The following INTS11 variants were observed in gnomAD, a reference collection of about 807,000 sequenced individuals.
INTS11 encodes CPSF3-like protein.
INTS11 carries 77 observed loss-of-function variants against 78.6 expected under a neutral mutation model. That is an observed-to-expected ratio of 0.98 (90% confidence interval 0.81 to 1.18). INTS11 has a LOEUF of 1.18. INTS11 is among the 50% of genes most tolerant of loss of function. The pLI is 0.00. For synonymous variants in INTS11, 441 were observed against 326.9 expected (o/e 1.35, Z -3.77); for missense variants, 875 against 825.9 (o/e 1.06, Z -0.73).
In INTS11 at chr1:1,315,455, G is replaced by T; in HGVS notation, c.529-17C>A. The T allele has an allele frequency of 6.2e-7, 1 of 1,613,080 alleles. No homozygotes were observed. Among genetic ancestry groups the T allele is most frequent in the Non-Finnish European group, 8.5e-7 (1 of 1,179,896 alleles). ...ATAATCACCCTGGTGAACGATCAAGGATGCCATGAGGAGGGTGCCTCCCAC... is the reference window on the plus strand; with the variant it reads ...ATAATCACCCTGGTGAACGATCAAGTATGCCATGAGGAGGGTGCCTCCCAC... On this transcript the variant is annotated splice_polypyrimidine_tract_variant and intron_variant, in intron 5 of 16. Transcript: ENST00000435064.
In INTS11 at chr1:1,314,090, G is replaced by A. The variant is rs868415554; in HGVS notation, c.768-169C>T. ...AAGCCCTGCAGCAGCCGGGCTCAGCGGAGAACCAGGAACCCCTACAAGAGC... is the reference window on the plus strand; with the variant it reads ...AAGCCCTGCAGCAGCCGGGCTCAGCAGAGAACCAGGAACCCCTACAAGAGC... On this transcript the variant is annotated intron_variant, in intron 8 of 16. Coordinates refer to ENST00000435064, the MANE Select transcript of INTS11 (RefSeq NM_017871.6). The surrounding 1 kb of genome is among the most constrained non-coding windows in gnomAD (Gnocchi z 4.2). 10 of 780,738 alleles carry A rather than the reference G, an allele frequency of 1.3e-5. No homozygotes were observed. The highest frequency in any genetic ancestry group is 5.2e-5 in the South Asian group (3 of 57,388). The allele number at this position is 780,738 out of a possible 1,614,324, so 48.4% of individuals were successfully genotyped here. A position where few individuals can be genotyped will look rare whatever the true frequency, so the allele number is the denominator to read the frequency against.
At chr1:1,323,416 C>T (rs1293313428) in intron 1 of INTS11, 12 of 1,122,154 alleles carry the variant, frequency 1.1e-5, no homozygotes, top group Admixed American at 2.7e-5. Context: ...ACGACTTTGA[C>T]TTTCTTTTGA....
intron 2 of INTS11, 37 bp downstream of exon 2, chr1:1,320,959 T>C (rs777581210): frequency 1.3e-6 from 2 of 1,574,366 alleles, no homozygotes; most frequent in Non-Finnish European, 1.7e-6. Flanking sequence ...GATGGCCGGC[T>C]CTCCCAGCCT....
chr1:1,317,450 A>T (rs1363719500), intron 4 of INTS11: 1 of 977,884 alleles, frequency 1.0e-6, no homozygotes, highest in Non-Finnish European at 1.2e-6. Context: ...ACCATATGAC[A>T]CATAACCAGA....
intron 15 of INTS11, 21 bp downstream of exon 15, chr1:1,312,205 G>GT: frequency 8.5e-7 from 1 of 1,180,160 alleles, no homozygotes; most frequent in East Asian, 2.6e-5. Context: ...GAGTGGGGGG[G>GT]GGGCGGGGCC....
rs1333197172 is a variant in INTS11, at chr1:1,312,079, TGGA to T, written c.1673_1675del (p.Leu558del). 1 of 1,572,878 alleles carries T rather than the reference TGGA, an allele frequency of 6.4e-7. No individual in the cohort carries two copies. The highest frequency in any genetic ancestry group is 8.6e-7 in the Non-Finnish European group (1 of 1,157,830). On this transcript the variant is annotated inframe_deletion, in exon 16 of 17. Coordinates refer to ENST00000435064, the MANE Select transcript of INTS11 (RefSeq NM_017871.6). Reference sequence around the variant, plus strand: ...TGGGTCCTCAGAAGGGGCGGCGGCCTGGAGGAGGACGGACTCCACAGTCACAGA... The same window carrying T: ...TGGGTCCTCAGAAGGGGCGGCGGCCTGGAGGACGGACTCCACAGTCACAGA...
At chr1:1,322,118 G>A in intron 1 of INTS11, 1 of 500,960 alleles carries the variant, frequency 2.0e-6, no homozygotes, top group Non-Finnish European at 3.3e-6. Flanking sequence ...CAGGCTCACA[G>A]AGGCCCTCTG....
chr1:1,321,963 G>A (rs1244221389), intron 1 of INTS11: 37 of 1,311,002 alleles, frequency 2.8e-5, no homozygotes, highest in South Asian at 6.8e-5. Context: ...TCAGGATGAC[G>A]GGGCCACAGC....
At position 1,323,251 on chromosome 1, in the gene INTS11, G is replaced by A. The variant is rs1276050863; in HGVS notation, c.28+1330C>T. On this transcript the variant is annotated intron_variant, in intron 1 of 16. Transcript: ENST00000435064. Reference sequence around the variant, plus strand: ...AGGTGCCCTCGACCCCCTGCCCGGTGGAAGGACCAGGTTCCAGGACAGCAC... The same window carrying A: ...AGGTGCCCTCGACCCCCTGCCCGGTAGAAGGACCAGGTTCCAGGACAGCAC... 9 of 1,550,262 alleles carry A rather than the reference G, an allele frequency of 5.8e-6. No homozygotes were observed. The East Asian group carries it at 2.2e-4, about 38-fold the overall frequency.
intron 4 of INTS11, among the ~76,000 whole-genome samples, chr1:1,318,415 T>C (rs1642741766): frequency 6.6e-6 from 1 of 152,046 alleles, no homozygotes; most frequent in Non-Finnish European, 1.5e-5. Context: ...CCGAGCACTT[T>C]GAGAGGCTGA....
At position 1,311,819 on chromosome 1, in the gene INTS11, T is replaced by C. The variant is rs372992429; in HGVS notation, c.*40A>G. ...AGTGCAGGCCCAGGGTCTGTCCAGC[T>C]GGGAGAGGGCAGAGGTGGCGGCTGG... is the stretch of plus-strand genomic sequence containing the variant. On this transcript the variant is annotated 3_prime_UTR_variant, in exon 17 of 17. Coordinates refer to ENST00000435064, the MANE Select transcript of INTS11 (RefSeq NM_017871.6). 2.0e-6 allele frequency: 3 copies of C among 1,525,940 alleles called. No homozygotes were observed. The highest frequency in any genetic ancestry group is 2.6e-6 in the Non-Finnish European group (3 of 1,134,250). 94.5% of individuals were successfully genotyped at this position (1,525,940 alleles called of 1,614,324 possible). A position where few individuals can be genotyped will look rare whatever the true frequency, so the allele number is the denominator to read the frequency against.
At chr1:1,323,800 T>A (rs985174051) in intron 1 of INTS11, among the ~76,000 whole-genome samples, 17 of 135,668 alleles carry the variant, frequency 1.3e-4, no homozygotes, top group African/African-American at 4.8e-4. Context: ...AAAGTGAGAG[T>A]TGATTGTAAC....
Position 1,312,773 on chromosome 1 carries a change from G to T in INTS11, c.1294+14C>A. 6.2e-7 allele frequency: 1 copy of T among 1,602,114 alleles called. No individual in the cohort carries two copies. The highest frequency in any genetic ancestry group is 8.5e-7 in the Non-Finnish European group (1 of 1,172,468). On this transcript the variant is annotated intron_variant, in intron 12 of 16. Transcript: ENST00000435064. Reference sequence around the variant, plus strand: ...ACCCGAGGTGGGCCCCACGCCGCCCGCCCGGCTGCCTACGGAGCTCCTGCT... The same window carrying T: ...ACCCGAGGTGGGCCCCACGCCGCCCTCCCGGCTGCCTACGGAGCTCCTGCT...
At position 1,314,178 on chromosome 1, in the gene INTS11, C is replaced by A. The variant is rs900894419; in HGVS notation, c.767+123G>T. Reference sequence around the variant, plus strand: ...TGGGGTCACACAGCACACGAGCGGCCCCCCAGGACAGCAGCAAGCAGGGCC... The same window carrying A: ...TGGGGTCACACAGCACACGAGCGGCACCCCAGGACAGCAGCAAGCAGGGCC... On this transcript the variant is annotated intron_variant, in intron 8 of 16. Transcript: ENST00000435064. The surrounding 1 kb of genome is among the most constrained non-coding windows in gnomAD (Gnocchi z 4.2). The A allele has an allele frequency of 1.0e-6, 1 of 972,252 alleles. No homozygotes were observed. Among genetic ancestry groups the A allele is most frequent in the Non-Finnish European group, 1.6e-6 (1 of 624,276 alleles). The allele number at this position is 972,252 out of a possible 1,614,324, so 60.2% of individuals were successfully genotyped here.
intron 4 of INTS11, 169 bp downstream of exon 4, chr1:1,319,127 T>A (rs1642794020): frequency 1.3e-6 from 1 of 794,844 alleles, no homozygotes; most frequent in Non-Finnish European, 2.3e-6. Context: ...GGGACCCGCA[T>A]CCTCGCGCTG....
At position 1,312,020 on chromosome 1, in the gene INTS11, G is replaced by C; in HGVS notation, c.1735C>G (p.Gln579Glu). The C allele has an allele frequency of 6.3e-7, 1 of 1,578,884 alleles. No individual in the cohort carries two copies. Among genetic ancestry groups the C allele is most frequent in the Non-Finnish European group, 8.6e-7 (1 of 1,162,380 alleles). Residue 579 changes from glutamine (Q) to glutamate (E), a missense_variant and splice_region_variant, in exon 16 of 17, where the codon CAG becomes GAG. Coordinates refer to ENST00000435064, the MANE Select transcript of INTS11 (RefSeq NM_017871.6). Reference protein sequence around the residue: ...TKVLLVSWTYQDEELGSFLTS... With the variant: ...TKVLLVSWTYEDEELGSFLTS... ...GTGGGGTGGGGGTCACCCCTTACCT[G>C]GTAGGTCCAGGAGACCAGCAGCACC...
chr1:1,313,402 C>G, intron 10 of INTS11, 107 bp downstream of exon 10: 1 of 1,315,948 alleles, frequency 7.6e-7, no homozygotes, highest in Non-Finnish European at 1.1e-6. Context: ...AGCCACGTCC[C>G]TTGGCCAGCA....
intron 1 of INTS11, chr1:1,321,898 T>TACCCCCCCCCCCCC: frequency 2.6e-6 from 3 of 1,141,982 alleles, no homozygotes; most frequent in East Asian, 3.2e-5. Flanking sequence ...TCCCCTTGAA[T>TACCCCCCCCCCCCC]CCCACCCACC....
chr1:1,318,742 A>T (rs1382014815), intron 4 of INTS11: 2 of 515,792 alleles, frequency 3.9e-6, no homozygotes, highest in Non-Finnish European at 7.1e-6. Flanking sequence ...CAAAATACAT[A>T]GGTACCTAAT....
Sources: gnomAD v4.1 joint callset for allele counts (sites outside exome capture counted in the v4.1 genomes callset) on GRCh38, gnomAD v4.1.1 for gene constraint, Gnocchi (gnomAD v3.1) non-coding constraint, MANE v1.5 for transcripts, NCBI Gene and HGNC (gene_info 2026-07-23, HGNC 2026-07-21) for gene names.